The following SLC33A1 variants were observed in gnomAD, a reference collection of about 807,000 sequenced individuals.
SLC33A1 encodes the protein acetyl-coenzyme A transporter 1.
In SLC33A1, 20 loss-of-function variants were observed where a neutral mutation model predicts 50.0. The observed-to-expected ratio is 0.40, with a 90% CI of 0.28 to 0.58. SLC33A1 has a LOEUF of 0.58. Ranked by LOEUF, SLC33A1 falls within the 20% of genes least tolerant of loss-of-function variation. The pLI is 0.44. For missense variants in SLC33A1, 476 were observed against 657.0 expected (o/e 0.72, Z 3.01); for synonymous variants, 265 against 251.8 (o/e 1.05, Z -0.50).
rs373532242 is a variant in SLC33A1 at position 155,840,485 on chromosome 3, C to T, written c.963+1947G>A. ...TCACCTGAGGTCAGTAGTTCAAGAA[C>T]GGCCTGGTCAACAGGGTGAAACCCT... On this transcript the variant is annotated intron_variant, in intron 2 of 5. Transcript: ENST00000643144. Among the ~76,000 whole-genome samples, 254 of 152,048 alleles carry T rather than the reference C, an allele frequency of 1.7e-3. 3 individuals are homozygous for T. Among genetic ancestry groups the T allele is most frequent in the Non-Finnish European group, 8.1e-4 (55 of 67,984 alleles).
Position 155,854,287 on chromosome 3 carries a change from T to A in SLC33A1, c.-290A>T. ...GCAGCGCCGGGCTCGAGGCTGGAGG[T>A]GTGTGCCGTGGTGCCAGGATGGAAA... On this transcript the variant is annotated 5_prime_UTR_variant, in exon 1 of 6. Coordinates refer to ENST00000643144, the MANE Select transcript of SLC33A1 (RefSeq NM_004733.4). 2 of 312,966 alleles carry A rather than the reference T, an allele frequency of 6.4e-6. No homozygotes were observed. The allele number at this position is 312,966 out of a possible 1,614,324, so 19.4% of individuals were successfully genotyped here.
intron 2 of SLC33A1, among the ~76,000 whole-genome samples, chr3:155,839,496 C>A (rs1319163454): frequency 1.4e-5 from 2 of 148,122 alleles, no homozygotes; most frequent in African/African-American, 5.0e-5. Context: ...AAATAGACAA[C>A]AGAAAAATGA....
chr3:155,850,394 T>G (rs956934600), intron 1 of SLC33A1, among the ~76,000 whole-genome samples: 4 of 152,172 alleles, frequency 2.6e-5, no homozygotes, highest in Non-Finnish European at 5.9e-5. Context: ...ATGATGTTAC[T>G]TAAGATGAGA....
intron 4 of SLC33A1, among the ~76,000 whole-genome samples, chr3:155,832,302 C>G (rs1752470738): frequency 6.6e-6 from 1 of 151,878 alleles, no homozygotes; most frequent in Non-Finnish European, 1.5e-5. Flanking sequence ...TGCTTGAACC[C>G]TGGAGGCGGA....
intron 5 of SLC33A1, among the ~76,000 whole-genome samples, chr3:155,829,197 T>C (rs573998077): frequency 4.6e-5 from 7 of 152,140 alleles, no homozygotes; most frequent in Non-Finnish European, 8.8e-5. Flanking sequence ...CCACTGCACC[T>C]GGCCCGATTA....
At chr3:155,829,253 T>C (rs1021864662) in intron 5 of SLC33A1, among the ~76,000 whole-genome samples, 7 of 152,154 alleles carry the variant, frequency 4.6e-5, no homozygotes, top group Non-Finnish European at 1.0e-4. Context: ...GTGAAGAAAT[T>C]TCCAGTCCAT....
intron 1 of SLC33A1, among the ~76,000 whole-genome samples, chr3:155,844,303 T>A (rs1753041859): frequency 6.6e-6 from 1 of 151,566 alleles, no homozygotes; most frequent in Non-Finnish European, 1.5e-5. Context: ...AAACTCAGAA[T>A]ACTTAAATAT....
intron 2 of SLC33A1, among the ~76,000 whole-genome samples, chr3:155,841,734 T>TTTATTTATTTATTTA (rs1560018432): frequency 2.6e-5 from 4 of 151,720 alleles, no homozygotes; most frequent in African/African-American, 7.3e-5. Flanking sequence ...TTCTATATCT[T>TTTATTTATTTATTTA]TTTATTTATT....
chr3:155,828,342 G>A lies in SLC33A1; in HGVS notation c.1518C>T (p.Ala506=). 6.2e-7 allele frequency: 1 copy of A among 1,605,664 alleles called. No individual in the cohort carries two copies. Among genetic ancestry groups the A allele is most frequent in the Non-Finnish European group, 8.5e-7 (1 of 1,172,706 alleles). Residue 506 remains alanine, a synonymous_variant, in exon 6 of 6, where the codon GCC becomes GCT. Coordinates refer to ENST00000643144, the MANE Select transcript of SLC33A1 (RefSeq NM_004733.4). Reference sequence around the variant, plus strand: ...TGGACTCCACATAATAACCATCCAGGGCTGTAACACATGAGCCACCCAGTT... The same window carrying A: ...TGGACTCCACATAATAACCATCCAGAGCTGTAACACATGAGCCACCCAGTT... ...CKKLGGSCVT[A]LDGYYVESII...
rs1399197700 is a variant in SLC33A1 at position 155,821,828 on chromosome 3, A to T, written c.*6382T>A. On this transcript the variant is annotated 3_prime_UTR_variant, in exon 6 of 6. Coordinates refer to ENST00000643144, the MANE Select transcript of SLC33A1 (RefSeq NM_004733.4). ...CACTCTATTGCCCAGGCTGGAGAATAGTAGCACAATCTCGGCTCACTGCAA... is the reference window on the plus strand; with the variant it reads ...CACTCTATTGCCCAGGCTGGAGAATTGTAGCACAATCTCGGCTCACTGCAA... 6.8e-6 allele frequency: 1 copy of T among 148,052 alleles called. No individual in the cohort carries two copies. The highest frequency in any genetic ancestry group is 2.5e-5 in the African/African-American group (1 of 40,010). 9.2% of individuals were successfully genotyped at this position (148,052 alleles called of 1,614,324 possible). A position where few individuals can be genotyped will look rare whatever the true frequency, so the allele number is the denominator to read the frequency against.
intron 4 of SLC33A1, among the ~76,000 whole-genome samples, chr3:155,830,169 C>G (rs1396790104): frequency 1.3e-5 from 2 of 149,984 alleles, no homozygotes; most frequent in African/African-American, 4.9e-5. Flanking sequence ...CGAGACCATC[C>G]TGGCTAACAC....
At position 155,823,094 on chromosome 3, in the gene SLC33A1, T is replaced by A. The variant is rs972748910; in HGVS notation, c.*5116A>T. 1 of 152,228 alleles carries A rather than the reference T, an allele frequency of 6.6e-6. No homozygotes were observed. Among genetic ancestry groups the A allele is most frequent in the African/African-American group, 2.4e-5 (1 of 41,468 alleles). 9.4% of individuals were successfully genotyped at this position (152,228 alleles called of 1,614,324 possible). A position where few individuals can be genotyped will look rare whatever the true frequency, so the allele number is the denominator to read the frequency against. On this transcript the variant is annotated 3_prime_UTR_variant, in exon 6 of 6. Transcript: ENST00000643144. The stretch of plus-strand genomic sequence containing the variant: ...AACAAGGCTCCTTAAAGGCAATCTT[T>A]ATAATCCATAGTCAAATAAAAGTTT...
chr3:155,849,015 T>A (rs1381566869), intron 1 of SLC33A1, among the ~76,000 whole-genome samples: 6 of 151,994 alleles, frequency 3.9e-5, no homozygotes, highest in Non-Finnish European at 8.8e-5. Context: ...CCAGTTCAAG[T>A]GATTCTAGTG....
intron 1 of SLC33A1, among the ~76,000 whole-genome samples, chr3:155,843,206 T>C (rs960581585): frequency 6.6e-6 from 1 of 152,146 alleles, no homozygotes; most frequent in Non-Finnish European, 1.5e-5. Flanking sequence ...AAGCCTATCA[T>C]GTCACTTTAT....
intron 5 of SLC33A1, among the ~76,000 whole-genome samples, chr3:155,829,109 C>G (rs1394100264): frequency 6.6e-6 from 1 of 151,922 alleles, no homozygotes; most frequent in Non-Finnish European, 1.5e-5. Flanking sequence ...ACCGTGTTGC[C>G]CAGGCTGGTG....
rs1324491624 is a variant in SLC33A1 at position 155,822,124 on chromosome 3, C to G, written c.*6086G>C. 1.3e-5 allele frequency: 2 copies of G among 152,104 alleles called. No homozygotes were observed. The highest frequency in any genetic ancestry group is 2.9e-5 in the Non-Finnish European group (2 of 68,018). The allele number at this position is 152,104 out of a possible 1,614,324, so 9.4% of individuals were successfully genotyped here. On this transcript the variant is annotated 3_prime_UTR_variant, in exon 6 of 6. Transcript: ENST00000643144. ...AATTTTTTTCCAATCTTATATTTCT[C>G]TAATTTTATAGGGGCAGGTGATAAA...
chr3:155,844,457 ATTTTTTTT>A (rs869180951), intron 1 of SLC33A1, among the ~76,000 whole-genome samples: 12 of 33,572 alleles, frequency 3.6e-4, no homozygotes, highest in African/African-American at 1.1e-3. Flanking sequence ...ATATATATAT[ATTTTTTTT>A]TTTTTTTTTT....
At position 155,829,805 on chromosome 3, in the gene SLC33A1, C is replaced by T; in HGVS notation, c.1365G>A (p.Val455=). ...GGTYMTLLNT[V]SNLGGNWPST... ...AAGGCCAGTTTCCTCCCAGATTGGA[C>T]ACGGTATTTAAAAGGGTCATGTATG... Residue 455 remains valine, a synonymous_variant, in exon 5 of 6, where the codon GTG becomes GTA. Coordinates refer to ENST00000643144, the MANE Select transcript of SLC33A1 (RefSeq NM_004733.4). The T allele has an allele frequency of 6.2e-7, 1 of 1,613,840 alleles. No homozygotes were observed. The highest frequency in any genetic ancestry group is 8.5e-7 in the Non-Finnish European group (1 of 1,179,784).
Position 155,842,470 on chromosome 3 carries a change from C to T in SLC33A1, c.925G>A (p.Ala309Thr), listed in dbSNP as rs531122837. Residue 309 changes from alanine to threonine, a missense_variant, in exon 2 of 6, where the codon GCA becomes ACA. By Grantham distance (58) the Ala-to-Thr change is moderately conservative. Coordinates refer to ENST00000643144, the MANE Select transcript of SLC33A1 (RefSeq NM_004733.4). Reference protein sequence around the residue: ...KLLFAIIKMPAVLTFCLLILT... With the variant: ...KLLFAIIKMPTVLTFCLLILT... ...ATCAGAAGGCAAAATGTCAGAACTG[C>T]TGGCATTTTTATAATTGCAAAAAGC... 12 of 1,612,434 alleles carry T rather than the reference C, an allele frequency of 7.4e-6. No individual in the cohort carries two copies. The Admixed American group carries it at 2.0e-4, about 27-fold the overall frequency.
Sources: allele counts gnomAD v4.1 joint callset (sites outside exome capture counted in the v4.1 genomes callset), GRCh38; gene constraint gnomAD v4.1.1; transcripts MANE v1.5; gene names NCBI Gene and HGNC (gene_info 2026-07-23, HGNC 2026-07-21).